SCAMP4: variants seen among roughly 807,000 people sequenced by gnomAD.
The protein encoded by SCAMP4 is secretory carrier membrane protein 4.
In SCAMP4, 19 loss-of-function variants were observed where a neutral mutation model predicts 32.1. The ratio of observed to expected loss-of-function variants is 0.59; its 90% CI spans 0.41 to 0.87. The LOEUF is 0.87. SCAMP4 is among the 40% of genes least tolerant of loss of function. The pLI is 0.00. For missense variants in SCAMP4, 302 were observed against 309.0 expected, an observed-to-expected ratio of 0.98 and a Z score of 0.17; for synonymous variants, 152 against 132.7, an observed-to-expected ratio of 1.15 and a Z score of -1.00.
chr19:1,912,673 G>C lies in SCAMP4; in HGVS notation c.-41-2306G>C, dbSNP rs751313469. 107 of 1,437,178 alleles carry C rather than the reference G, an allele frequency of 7.4e-5. 2 individuals are homozygous for C. In the South Asian group the frequency reaches 1.4e-3, roughly 19 times the overall value. 89.0% of individuals were successfully genotyped at this position (1,437,178 alleles called of 1,614,324 possible). On this transcript the variant is annotated intron_variant, in intron 1 of 6. Transcript: ENST00000316097. ...CGGCGGGCAGCAGCGCGGGGCTTGC[G>C]GGCCGTGGGGGCCGTGGTAGTGGAC...
At chr19:1,924,085 C>G in intron 6 of SCAMP4, 23 bp from the exon 7 acceptor site, 6 of 1,568,890 alleles carry the variant, frequency 3.8e-6, no homozygotes, top group Non-Finnish European at 5.1e-6. Context: ...TGTCTTCTGC[C>G]TCCCTGTCCT....
intron 1 of SCAMP4, among the ~76,000 whole-genome samples, chr19:1,909,717 G>A (rs1048640868): frequency 2.0e-5 from 3 of 152,186 alleles, no homozygotes; most frequent in African/African-American, 7.2e-5. Context: ...GGAGCCCCGG[G>A]AGTGATCCCA....
At chr19:1,905,629 C>T (rs1321241805) in intron 1 of SCAMP4, 190 bp downstream of exon 1, 1 of 160,440 alleles carries the variant, frequency 6.2e-6, no homozygotes, top group East Asian at 2.0e-4. Context: ...GGCGCGAATG[C>T]GCGTGCGCGC....
intron 1 of SCAMP4, chr19:1,914,534 T>C (rs1179858907): frequency 4.1e-5 from 9 of 216,932 alleles, no homozygotes; most frequent in Non-Finnish European, 7.5e-5. Context: ...CGTGGGTGGA[T>C]GTCAGGCCAG....
At chr19:1,922,300 C>T (rs972443810) in intron 5 of SCAMP4, 56 of 976,438 alleles carry the variant, frequency 5.7e-5, no homozygotes, top group Non-Finnish European at 6.7e-5. Context: ...TGCTCTGTCC[C>T]CCAGGCTGGA....
intron 4 of SCAMP4, among the ~76,000 whole-genome samples, 157 bp downstream of exon 4, chr19:1,918,440 G>A (rs561867880): frequency 6.6e-6 from 1 of 152,360 alleles, no homozygotes; most frequent in Admixed American, 6.5e-5. Flanking sequence ...ACAAGCCAGA[G>A]CCAACTACTG....
chr19:1,910,910 A>C (rs1412228387), intron 1 of SCAMP4, among the ~76,000 whole-genome samples: 1 of 150,682 alleles, frequency 6.6e-6, no homozygotes, highest in South Asian at 2.1e-4. Flanking sequence ...CGCTGTTACC[A>C]GGCTGGAGTG....
At chr19:1,922,847 G>T (rs752994044) in intron 5 of SCAMP4, 14 of 1,262,316 alleles carry the variant, frequency 1.1e-5, no homozygotes, top group Non-Finnish European at 1.4e-5. Context: ...CTGCACACGC[G>T]GCTCACTGCT....
At chr19:1,912,759 C>T (rs552307595) in intron 1 of SCAMP4, 8 of 1,555,028 alleles carry the variant, frequency 5.1e-6, no homozygotes, top group South Asian at 4.6e-5. Flanking sequence ...CAACCCCCTC[C>T]TGCACGCCGT....
At chr19:1,912,149 C>T in intron 1 of SCAMP4, 2 of 1,565,514 alleles carry the variant, frequency 1.3e-6, no homozygotes, top group African/African-American at 1.4e-5. Flanking sequence ...AGGCCGGGAG[C>T]CCGGAGCCTG....
At chr19:1,912,809 C>T (rs758642361) in intron 1 of SCAMP4, 4 of 1,581,628 alleles carry the variant, frequency 2.5e-6, no homozygotes, top group Admixed American at 1.8e-5. Context: ...GCCAGGGCCG[C>T]GGCACCTACG....
chr19:1,906,601 A>C (rs2013127628), intron 1 of SCAMP4: 1 of 152,172 alleles, frequency 6.6e-6, no homozygotes. Context: ...CTGTAATCCT[A>C]GCACTTTGGG....
intron 5 of SCAMP4, chr19:1,922,841 A>C (rs971203522): frequency 8.0e-7 from 1 of 1,257,772 alleles, no homozygotes; most frequent in African/African-American, 1.6e-5. Context: ...TGTCCACTGC[A>C]CACGCGGCTC....
At chr19:1,906,743 A>G (rs923675592) in intron 1 of SCAMP4, 7 of 151,776 alleles carry the variant, frequency 4.6e-5, no homozygotes, top group African/African-American at 1.5e-4. Flanking sequence ...GCTACTCCCA[A>G]AGGAGGCTGA....
At chr19:1,920,995 C>T (rs935700750) in intron 5 of SCAMP4, 6 of 985,278 alleles carry the variant, frequency 6.1e-6, no homozygotes, top group African/African-American at 3.5e-5. Context: ...GGTCCCTGCC[C>T]GAGGTGGACA....
chr19:1,922,090 T>G, intron 5 of SCAMP4: 1 of 985,454 alleles, frequency 1.0e-6, no homozygotes, highest in Non-Finnish European at 1.2e-6. Flanking sequence ...CCCTGAATTT[T>G]AAACCCTGTG....
chr19:1,915,066 G>A (rs760554935), intron 2 of SCAMP4, 40 bp downstream of exon 2: 86 of 1,612,592 alleles, frequency 5.3e-5, no homozygotes, highest in African/African-American at 4.9e-4. Flanking sequence ...CAGCGTGGGC[G>A]GGAGGGAGAT....
intron 1 of SCAMP4, 43 bp downstream of exon 1, chr19:1,905,482 C>G (rs1245943497): frequency 2.5e-5 from 11 of 446,678 alleles, no homozygotes; most frequent in Non-Finnish European, 5.1e-5. Context: ...CAGGCTCAGA[C>G]TTCCCCAGAG....
intron 5 of SCAMP4, chr19:1,920,423 C>T: frequency 1.6e-6 from 1 of 642,274 alleles, no homozygotes; most frequent in Non-Finnish European, 1.9e-6. Flanking sequence ...GCCCCTCGAT[C>T]TGCAGGCCTC....
Sources: allele counts gnomAD v4.1 joint callset (sites outside exome capture counted in the v4.1 genomes callset), GRCh38; gene constraint gnomAD v4.1.1; transcripts MANE v1.5; gene names NCBI Gene and HGNC (gene_info 2026-07-23, HGNC 2026-07-21).